The following MAP3K8 variants were observed in gnomAD, a reference collection of about 807,000 sequenced individuals.
MAP3K8 encodes mitogen-activated protein kinase kinase kinase 8.
A neutral mutation model predicts 45.8 loss-of-function variants in MAP3K8; 22 were observed. The observed-to-expected ratio is 0.48, with a 90% confidence interval of 0.34 to 0.69. The LOEUF (loss-of-function observed/expected upper bound fraction) is 0.69. Ranked by LOEUF, MAP3K8 falls within the 30% of genes least tolerant of loss-of-function variation. The probability of loss-of-function intolerance (pLI) is 0.01; values close to 1 mark genes in which losing one functional copy is unlikely to be tolerated. For missense variants in MAP3K8, 419 were observed against 585.0 expected (o/e 0.72, Z 2.93); for synonymous variants, 223 against 214.3 (o/e 1.04, Z -0.36).
At chr10:30,447,289 CAT>C (rs1278059541) in intron 3 of MAP3K8, among the ~76,000 whole-genome samples, 4 of 152,238 alleles carry the variant, frequency 2.6e-5, no homozygotes, top group Non-Finnish European at 5.9e-5. Flanking sequence ...ATTGTCAACT[CAT>C]AGCTCTGACA....
In MAP3K8 at chr10:30,460,851, G is replaced by T. The variant is rs1375043292; in HGVS notation, c.*15G>T. 6.2e-7 allele frequency: 1 copy of T among 1,612,578 alleles called. No individual in the cohort carries two copies. Among genetic ancestry groups the T allele is most frequent in the African/African-American group, 1.3e-5 (1 of 75,020 alleles). The stretch of plus-strand genomic sequence containing the variant: ...AATATGGCTGAAGGATGCCATGTTT[G>T]CTCTAAATTAAGACAGCATTGATCT... On this transcript the variant is annotated 3_prime_UTR_variant, in exon 9 of 9. Coordinates refer to ENST00000263056, the MANE Select transcript of MAP3K8 (RefSeq NM_005204.4).
At chr10:30,438,046 G>A (rs184525623) in intron 2 of MAP3K8, among the ~76,000 whole-genome samples, 2 of 152,266 alleles carry the variant, frequency 1.3e-5, no homozygotes, top group East Asian at 1.9e-4. Flanking sequence ...TTGTATATAA[G>A]AGCTGAAATG....
At chr10:30,445,574 G>T (rs995540215) in intron 3 of MAP3K8, among the ~76,000 whole-genome samples, 9 of 152,144 alleles carry the variant, frequency 5.9e-5, no homozygotes, top group African/African-American at 2.2e-4. Context: ...ATCAGCAAGT[G>T]CTCTTGAGTG....
chr10:30,448,444 A>ATTATTATTATTATTG (rs1836422335), intron 4 of MAP3K8, among the ~76,000 whole-genome samples: 1 of 149,702 alleles, frequency 6.7e-6, no homozygotes. Flanking sequence ...TATTATTATT[A>ATTATTATTATTATTG]TTATTTGAAA....
Position 30,461,012 on chromosome 10 carries a change from T to A in MAP3K8, c.*176T>A. 1.6e-6 allele frequency: 1 copy of A among 611,168 alleles called. No individual in the cohort carries two copies. Among genetic ancestry groups the A allele is most frequent in the Non-Finnish European group, 2.7e-6 (1 of 374,024 alleles). The allele number at this position is 611,168 out of a possible 1,614,324, so 37.9% of individuals were successfully genotyped here. ...CCTGTGTGTTTGACATGTGAAGCTATTTGATATGCACCAGGTCTCAAGGTT... is the reference window on the plus strand; with the variant it reads ...CCTGTGTGTTTGACATGTGAAGCTAATTGATATGCACCAGGTCTCAAGGTT... On this transcript the variant is annotated 3_prime_UTR_variant, in exon 9 of 9. Transcript: ENST00000263056.
intron 6 of MAP3K8, among the ~76,000 whole-genome samples, chr10:30,456,777 A>C (rs1352135754): frequency 6.6e-6 from 1 of 152,164 alleles, no homozygotes; most frequent in Non-Finnish European, 1.5e-5. Flanking sequence ...GGGCTCAAGC[A>C]ATCTTCCTGC....
intron 6 of MAP3K8, among the ~76,000 whole-genome samples, chr10:30,454,752 T>A (rs866549658): frequency 9.1e-4 from 138 of 151,426 alleles, no homozygotes; most frequent in African/African-American, 3.3e-3. Flanking sequence ...AAGCTGTACT[T>A]TTTTTTTTTT....
chr10:30,439,464 T>A, intron 3 of MAP3K8, 190 bp downstream of exon 3: 1 of 1,169,198 alleles, frequency 8.6e-7, no homozygotes, highest in Non-Finnish European at 1.2e-6. Flanking sequence ...AATTTCTATT[T>A]AAAGATTCTT....
chr10:30,439,340 C>G, intron 3 of MAP3K8, 66 bp downstream of exon 3: 2 of 1,586,336 alleles, frequency 1.3e-6, no homozygotes, highest in Non-Finnish European at 1.7e-6. Context: ...TCATTTAATG[C>G]AGAGTGGTGT....
intron 1 of MAP3K8, among the ~76,000 whole-genome samples, chr10:30,435,535 T>C (rs1835883783): frequency 6.6e-6 from 1 of 151,438 alleles, no homozygotes; most frequent in Non-Finnish European, 1.5e-5. Context: ...GGCACACATA[T>C]GTATATATGT....
At chr10:30,436,353 G>T (rs1835907447) in intron 1 of MAP3K8, among the ~76,000 whole-genome samples, 1 of 152,146 alleles carries the variant, frequency 6.6e-6, no homozygotes, top group South Asian at 2.1e-4. Context: ...TGGTCAGCAG[G>T]GTTTCTGGGG....
chr10:30,449,827 C>G (rs1005789420), intron 4 of MAP3K8, among the ~76,000 whole-genome samples: 1 of 152,120 alleles, frequency 6.6e-6, no homozygotes, highest in African/African-American at 2.4e-5. Flanking sequence ...ATTTTAAATA[C>G]ATTGCTATAA....
At chr10:30,454,184 T>G (rs925420291) in intron 6 of MAP3K8, among the ~76,000 whole-genome samples, 3 of 151,850 alleles carry the variant, frequency 2.0e-5, no homozygotes, top group African/African-American at 7.3e-5. Flanking sequence ...CCATAGGAAA[T>G]AGAGAGAGGG....
At chr10:30,459,620 T>G in intron 8 of MAP3K8, 119 bp downstream of exon 8, 1 of 1,188,202 alleles carries the variant, frequency 8.4e-7, no homozygotes, top group Non-Finnish European at 1.2e-6. Flanking sequence ...TTGAGTACCA[T>G]ACCTTGCTTG....
At position 30,436,874 on chromosome 10, in the gene MAP3K8, C is replaced by T. The variant is rs190887519; in HGVS notation, c.-254-302C>T. ...CAGGAGACTTGGATCCTTTCAACCC[C>T]TGAGGCCCTAAATTAGGCTGTTTTT... On this transcript the variant is annotated intron_variant, in intron 1 of 8. Coordinates refer to ENST00000263056, the MANE Select transcript of MAP3K8 (RefSeq NM_005204.4). Among the ~76,000 whole-genome samples the T allele has an allele frequency of 2.0e-4, 31 of 151,750 alleles. No homozygotes were observed. The East Asian group carries it at 5.0e-3, about 25-fold the overall frequency.
At chr10:30,459,540 TTC>T in intron 8 of MAP3K8, 39 bp downstream of exon 8, 1 of 1,607,990 alleles carries the variant, frequency 6.2e-7, no homozygotes, top group Non-Finnish European at 8.5e-7. Flanking sequence ...CTTACTTCCC[TTC>T]TCTTTCTGTC....
At chr10:30,434,610 C>T in intron 1 of MAP3K8, 1 of 985,894 alleles carries the variant, frequency 1.0e-6, no homozygotes, top group Non-Finnish European at 1.2e-6. Context: ...GACTCCTCCC[C>T]CTTCCTCCTC....
At chr10:30,438,042 A>G (rs1023242462) in intron 2 of MAP3K8, among the ~76,000 whole-genome samples, 1 of 152,218 alleles carries the variant, frequency 6.6e-6, no homozygotes. Flanking sequence ...TGATTTGTAT[A>G]TAAGAGCTGA....
chr10:30,457,991 G>T, intron 6 of MAP3K8, 93 bp from the exon 7 acceptor site: 1 of 1,124,044 alleles, frequency 8.9e-7, no homozygotes, highest in South Asian at 2.1e-5. Context: ...CCTAGTTTAA[G>T]GCAAATGAGC....
Sources: gnomAD v4.1 joint callset for allele counts (sites outside exome capture counted in the v4.1 genomes callset) on GRCh38, gnomAD v4.1.1 for gene constraint, MANE v1.5 for transcripts, NCBI Gene and HGNC (gene_info 2026-07-23, HGNC 2026-07-21) for gene names.